Variants in KIAA1549L observed in about 807,000 individuals in gnomAD.
KIAA1549L encodes KIAA1549 like, also known as UPF0606 protein KIAA1549L.
A neutral mutation model predicts 160.7 loss-of-function variants in KIAA1549L; 88 were observed. That is an observed-to-expected ratio of 0.55 (90% CI 0.46 to 0.65). The LOEUF (loss-of-function observed/expected upper bound fraction) is 0.65. Ranked by LOEUF, KIAA1549L falls within the 30% of genes least tolerant of loss-of-function variation. The pLI is 0.00. For missense variants in KIAA1549L, 2,258 were observed against 2,437.5 expected, an observed-to-expected ratio of 0.93 and a Z score of 1.55; for synonymous variants, 950 against 976.7, an observed-to-expected ratio of 0.97 and a Z score of 0.51.
At chr11:33,503,230 G>A (rs1340950021) in intron 1 of KIAA1549L, among the ~76,000 whole-genome samples, 1 of 152,172 alleles carries the variant, frequency 6.6e-6, no homozygotes, top group Non-Finnish European at 1.5e-5. Flanking sequence ...TCAGCATTAT[G>A]TGTGTGAGTT....
intron 1 of KIAA1549L, among the ~76,000 whole-genome samples, chr11:33,397,714 A>T (rs1368293410): frequency 2.7e-4 from 3 of 11,090 alleles, no homozygotes; most frequent in Admixed American, 1.5e-3. Flanking sequence ...TCCATCTCAC[A>T]CACACACACA....
intron 10 of KIAA1549L, among the ~76,000 whole-genome samples, chr11:33,581,862 G>A (rs371603724): frequency 1.3e-5 from 2 of 152,096 alleles, no homozygotes; most frequent in South Asian, 4.2e-4. Context: ...TGAAGGTGAG[G>A]GGATTTTACA....
chr11:33,645,760 G>A lies in KIAA1549L; in HGVS notation c.5484G>A (p.Gln1828=), dbSNP rs752880805. 3 of 1,613,968 alleles carry A rather than the reference G, an allele frequency of 1.9e-6. No individual in the cohort carries two copies. Among genetic ancestry groups the A allele is most frequent in the Admixed American group, 1.7e-5 (1 of 60,030 alleles). The change falls in exon 17 of 21, where the codon CAG becomes CAA. Residue 1828 remains glutamine, a synonymous_variant. Coordinates refer to ENST00000658780, the MANE Select transcript of KIAA1549L (RefSeq NM_012194.3). ...PEPRGYSRSR[Q]VKGHSETSTL... is the part of the protein sequence containing the mutation. ...CCCGGGGCTATTCCAGGTCTCGACA[G>A]GTGAAAGGCCACTCGGAGACCTCCA...
At chr11:33,549,704 A>T (rs1854390570) in intron 4 of KIAA1549L, among the ~76,000 whole-genome samples, 1 of 152,204 alleles carries the variant, frequency 6.6e-6, no homozygotes, top group African/African-American at 2.4e-5. Context: ...GGGAGAAAGC[A>T]GGTGTCAAAA....
intron 10 of KIAA1549L, among the ~76,000 whole-genome samples, chr11:33,577,749 T>C (rs1855500541): frequency 6.6e-6 from 1 of 152,118 alleles, no homozygotes. Flanking sequence ...TTGACAGGGC[T>C]CCGCTTCTCC....
At position 33,376,150 on chromosome 11, in the gene KIAA1549L, C is replaced by G. The variant is rs1454335069; in HGVS notation, c.-502C>G. Among the ~76,000 whole-genome samples, 1 of 149,650 alleles carries G rather than the reference C, an allele frequency of 6.7e-6. No homozygotes were observed. The highest frequency in any genetic ancestry group is 6.6e-5 in the Admixed American group (1 of 15,076). On this transcript the variant is annotated 5_prime_UTR_variant, in exon 1 of 21. Transcript: ENST00000658780. The surrounding 1 kb of genome is among the most constrained non-coding windows in gnomAD (Gnocchi z 5.8). ...CTGAGCTGCGGTAGCACTCGCGGCC[C>G]GGGAACCCGAGCCGGAGCCGGGGCT...
At chr11:33,510,015 T>C (rs1853188021) in intron 1 of KIAA1549L, among the ~76,000 whole-genome samples, 1 of 152,100 alleles carries the variant, frequency 6.6e-6, no homozygotes, top group Non-Finnish European at 1.5e-5. Flanking sequence ...GAGGGAGGCT[T>C]TGGAACTGGC....
chr11:33,457,664 A>G (rs950622892), intron 1 of KIAA1549L, among the ~76,000 whole-genome samples: 8 of 152,202 alleles, frequency 5.3e-5, no homozygotes, highest in Non-Finnish European at 7.4e-5. Flanking sequence ...CACAGCATTC[A>G]TTTAACAAGC....
intron 19 of KIAA1549L, 139 bp downstream of exon 19, chr11:33,659,037 C>A: frequency 1.1e-6 from 1 of 916,984 alleles, no homozygotes; most frequent in Non-Finnish European, 1.6e-6. Context: ...CCCCTCATAA[C>A]TTCAGGAGCC....
At chr11:33,489,538 G>C (rs550007346) in intron 1 of KIAA1549L, among the ~76,000 whole-genome samples, 1 of 152,302 alleles carries the variant, frequency 6.6e-6, no homozygotes, top group East Asian at 1.9e-4. Context: ...CTCATGTACA[G>C]TCCAGTTAGT....
chr11:33,413,122 G>T (rs1365783213), intron 1 of KIAA1549L, among the ~76,000 whole-genome samples: 1 of 152,128 alleles, frequency 6.6e-6, no homozygotes, highest in Non-Finnish European at 1.5e-5. Flanking sequence ...ATGTTTTAGG[G>T]AAATGCTGCA....
In KIAA1549L at chr11:33,544,952, A is replaced by T; in HGVS notation, c.2959A>T (p.Asn987Tyr). 6.2e-7 allele frequency: 1 copy of T among 1,613,870 alleles called. No homozygotes were observed. The highest frequency in any genetic ancestry group is 2.2e-5 in the East Asian group (1 of 44,858). ...GACTACTCTTGCTAAAAATGTCACAAACAAGGCCGCATCTGGCCCAAAGAG... is the reference window on the plus strand; with the variant it reads ...GACTACTCTTGCTAAAAATGTCACATACAAGGCCGCATCTGGCCCAAAGAG... The part of the protein sequence containing the change: ...SMTTLAKNVT[N>Y]KAASGPKRTP... Residue 987 changes from asparagine (N) to tyrosine (Y), a missense_variant, in exon 3 of 21, where the codon AAC becomes TAC. By Grantham distance (143) the Asn-to-Tyr change is moderately radical. Coordinates refer to ENST00000658780, the MANE Select transcript of KIAA1549L (RefSeq NM_012194.3).
rs1854164778 is a variant in KIAA1549L at position 33,544,481 on chromosome 11, A to G, written c.2773+145A>G. The G allele has an allele frequency of 6.9e-6, 6 of 864,452 alleles. No individual in the cohort carries two copies. In the East Asian group the frequency reaches 1.5e-4, roughly 22 times the overall value. 53.5% of individuals were successfully genotyped at this position (864,452 alleles called of 1,614,324 possible). On this transcript the variant is annotated intron_variant, in intron 2 of 20. Transcript: ENST00000658780. ...TACCCCCGATCAGGAATGAGTTAGTAGCCCCAAGTAGTCACCTCATTGATC... is the reference window on the plus strand; with the variant it reads ...TACCCCCGATCAGGAATGAGTTAGTGGCCCCAAGTAGTCACCTCATTGATC...
At chr11:33,666,047 G>A (rs1852438580) in intron 20 of KIAA1549L, among the ~76,000 whole-genome samples, 1 of 151,890 alleles carries the variant, frequency 6.6e-6, no homozygotes, top group Non-Finnish European at 1.5e-5. Context: ...AGCTATGGGT[G>A]GGGTGGTTGT....
intron 10 of KIAA1549L, among the ~76,000 whole-genome samples, chr11:33,576,837 G>C (rs1311907113): frequency 6.6e-6 from 1 of 152,160 alleles, no homozygotes; most frequent in African/African-American, 2.4e-5. Flanking sequence ...ATGGGAACAG[G>C]GGAGATGGAA....
intron 15 of KIAA1549L, among the ~76,000 whole-genome samples, chr11:33,617,658 A>T (rs759755398): frequency 2.6e-5 from 4 of 152,244 alleles, no homozygotes; most frequent in Non-Finnish European, 5.9e-5. Flanking sequence ...CATGTTAATT[A>T]TCTGTCTCTC....
In KIAA1549L at chr11:33,554,923, A is replaced by G. The variant is rs552890626; in HGVS notation, c.3855+2682A>G. ...GGCATGAGTGAGGGGTAAGTAAGAG[A>G]TGAGGTTAGAGGCTACAGGAATCTA... On this transcript the variant is annotated intron_variant, in intron 6 of 20. Coordinates refer to ENST00000658780, the MANE Select transcript of KIAA1549L (RefSeq NM_012194.3). Among the ~76,000 whole-genome samples the G allele has an allele frequency of 7.2e-4, 109 of 152,278 alleles. 1 individual carries two copies. Among genetic ancestry groups the G allele is most frequent in the African/African-American group, 2.6e-3 (108 of 41,560 alleles).
chr11:33,402,702 C>A (rs755371797), intron 1 of KIAA1549L, among the ~76,000 whole-genome samples: 7 of 152,122 alleles, frequency 4.6e-5, no homozygotes, highest in Non-Finnish European at 8.8e-5. Context: ...AACCAGAAGC[C>A]CTGGCCCCTG....
intron 1 of KIAA1549L, among the ~76,000 whole-genome samples, chr11:33,511,463 C>A (rs970610360): frequency 6.6e-6 from 1 of 152,168 alleles, no homozygotes; most frequent in Admixed American, 6.5e-5. Context: ...AAATTAATTC[C>A]TTTTCAGAAA....
Sources: allele counts gnomAD v4.1 joint callset (sites outside exome capture counted in the v4.1 genomes callset), GRCh38; gene constraint gnomAD v4.1.1; non-coding constraint Gnocchi (gnomAD v3.1); transcripts MANE v1.5; gene names NCBI Gene and HGNC (gene_info 2026-07-23, HGNC 2026-07-21).